The following SF3B1 variants were observed in gnomAD, a reference collection of about 807,000 sequenced individuals.
SF3B1 encodes the protein splicing factor 3b subunit 1, also known as pre-mRNA processing 10.
Under a neutral mutation model 153.8 loss-of-function variants are expected in SF3B1, and 12 were observed. That is an observed-to-expected ratio of 0.08 (90% CI 0.05 to 0.13). The LOEUF (loss-of-function observed/expected upper bound fraction) is 0.13. SF3B1 is among the 10% of genes least tolerant of loss of function. SF3B1 has a pLI of 1.00. For synonymous variants in SF3B1, 498 were observed against 525.2 expected (o/e 0.95, Z 0.71); for missense variants, 513 against 1,606.1 (o/e 0.32, Z 11.63).
At chr2:197,420,211 A>AT (rs974444054) in intron 4 of SF3B1, 3 of 452,428 alleles carry the variant, frequency 6.6e-6, no homozygotes, top group African/African-American at 6.0e-5. Flanking sequence ...GCATTGGCTC[A>AT]TTTTTTTCTT....
intron 23 of SF3B1, among the ~76,000 whole-genome samples, chr2:197,393,772 A>C (rs2084842219): frequency 6.6e-6 from 1 of 152,192 alleles, no homozygotes; most frequent in African/African-American, 2.4e-5. Flanking sequence ...TTTTAAAAGG[A>C]ATATGAGCAG....
chr2:197,419,018 T>C (rs2106008567), intron 4 of SF3B1: 1 of 1,270,200 alleles, frequency 7.9e-7, no homozygotes, highest in Non-Finnish European at 1.1e-6. Context: ...ACATTACCTG[T>C]TGCAAGCTGT....
intron 20 of SF3B1, 45 bp from the exon 21 acceptor site, chr2:197,398,626 T>C: frequency 6.3e-7 from 1 of 1,575,374 alleles, no homozygotes; most frequent in East Asian, 2.2e-5. Context: ...GAATTGCAAC[T>C]TTTGTTCACT....
chr2:197,422,938 T>C (rs1405183633), intron 2 of SF3B1, among the ~76,000 whole-genome samples: 1 of 151,922 alleles, frequency 6.6e-6, no homozygotes, highest in Non-Finnish European at 1.5e-5. Context: ...TATCTGTAAC[T>C]GAATCACCAA....
At chr2:197,426,034 T>A (rs1022854853) in intron 1 of SF3B1, among the ~76,000 whole-genome samples, 2 of 151,452 alleles carry the variant, frequency 1.3e-5, no homozygotes, top group Non-Finnish European at 2.9e-5. Flanking sequence ...AATGATAGAA[T>A]AGTTTTAATG....
Position 197,402,161 on chromosome 2 carries a change from C to T in SF3B1, c.2078-31G>A, listed in dbSNP as rs1452222490. ...AAACCAAACACAGGTTTTAACTATG[C>T]CCCAACATTACCTAAGTTACACAAT... On this transcript the variant is annotated intron_variant, in intron 14 of 24. Coordinates refer to ENST00000335508, the MANE Select transcript of SF3B1 (RefSeq NM_012433.4). This position sits in a 1 kb window ranked among gnomAD's most constrained non-coding sequence, Gnocchi z 4.6. 1.9e-6 allele frequency: 3 copies of T among 1,573,114 alleles called. No homozygotes were observed. Among genetic ancestry groups the T allele is most frequent in the East Asian group, 4.5e-5 (2 of 44,178 alleles).
intron 1 of SF3B1, among the ~76,000 whole-genome samples, chr2:197,433,748 C>T (rs2085478968): frequency 6.6e-6 from 1 of 152,218 alleles, no homozygotes; most frequent in Non-Finnish European, 1.5e-5. Flanking sequence ...TTCTTCTCTA[C>T]TTGCACCCTC....
At position 197,418,572 on chromosome 2, in the gene SF3B1, A is replaced by G; in HGVS notation, c.432T>C (p.Asp144=). 6.2e-7 allele frequency: 1 copy of G among 1,612,228 alleles called. No homozygotes were observed. The highest frequency in any genetic ancestry group is 1.1e-5 in the South Asian group (1 of 90,714). The change falls in exon 5 of 25, where the codon GAT becomes GAC. Residue 144 remains aspartate, a synonymous_variant. Coordinates refer to ENST00000335508, the MANE Select transcript of SF3B1 (RefSeq NM_012433.4). ...TGTAAGTCCTAGCATTCATTTTAGG[A>G]TCAGGGGTTTTCCCTCCTGCAGAAA... ...DPFADGGKTP[D]PKMNARTYMD...
At position 197,409,860 on chromosome 2, in the gene SF3B1, C is replaced by A. The variant is rs2085042903; in HGVS notation, c.814G>T (p.Asp272Tyr). The A allele has an allele frequency of 6.2e-7, 1 of 1,614,128 alleles. No homozygotes were observed. Among genetic ancestry groups the A allele is most frequent in the Non-Finnish European group, 8.5e-7 (1 of 1,180,018 alleles). ...CCTGGTGTCGCATGGCCTGGTGTAT[C>A]ACCTCGTCCAGGAGTAGCAGCTCCC... ...PAGAATPGRG[D>Y]TPGHATPGHG... is the part of the protein sequence containing the mutation. Residue 272 changes from aspartate to tyrosine, a missense_variant, in exon 7 of 25, where the codon GAT (aspartate) becomes TAT (tyrosine). Transcript: ENST00000335508.
Position 197,423,821 on chromosome 2 carries a change from G to A in SF3B1, c.182C>T (p.Thr61Ile). ...FAGYVTSIAA[T>I]ELEDDDDDYS... ...TTTGTAACTTACATCTTCAAGTTCA[G>A]TTGCAGCAATTGATGTCACGTATCC... The change falls in exon 2 of 25, where the codon ACT becomes ATT. Residue 61 changes from threonine to isoleucine, a missense_variant. Around this residue, in one of 21 missense-constraint regions of SF3B1, gnomAD observed 14 missense variants for 54.8 expected, o/e 0.26. Transcript: ENST00000335508. 1 of 1,613,392 alleles carries A rather than the reference G, an allele frequency of 6.2e-7. No individual in the cohort carries two copies. Among genetic ancestry groups the A allele is most frequent in the Non-Finnish European group, 8.5e-7 (1 of 1,179,826 alleles).
chr2:197,412,317 T>TA (rs1360062050), intron 6 of SF3B1, among the ~76,000 whole-genome samples: 2 of 150,970 alleles, frequency 1.3e-5, no homozygotes, highest in South Asian at 2.1e-4. Flanking sequence ...ACAGAATTTT[T>TA]AAAAAAGTCT....
chr2:197,418,747 T>C (rs1375521312), intron 4 of SF3B1, 159 bp from the exon 5 acceptor site: 7 of 1,455,120 alleles, frequency 4.8e-6, no homozygotes, highest in Non-Finnish European at 6.3e-6. Context: ...TACTTTTTAT[T>C]GAGTTTGCTG....
At chr2:197,424,058 C>T in intron 1 of SF3B1, 84 bp from the exon 2 acceptor site, 2 of 1,115,676 alleles carry the variant, frequency 1.8e-6, no homozygotes, top group Non-Finnish European at 2.6e-6. Context: ...AGGTAATTAT[C>T]AAAATACTCT....
intron 4 of SF3B1, 119 bp downstream of exon 4, chr2:197,420,309 A>G: frequency 1.4e-6 from 1 of 704,332 alleles, no homozygotes; most frequent in South Asian, 1.7e-5. Flanking sequence ...AATCTATAGT[A>G]AGGGGGATTT....
rs565158732 is a variant in SF3B1 at position 197,401,603 on chromosome 2, T to A, written c.2371-78A>T. On this transcript the variant is annotated intron_variant, in intron 16 of 24. Coordinates refer to ENST00000335508, the MANE Select transcript of SF3B1 (RefSeq NM_012433.4). The surrounding 1 kb of genome is among the most constrained non-coding windows in gnomAD (Gnocchi z 4.2). ...ATACTCATTGCTGATTACGTGATTTTAAAAAATAAAATTTAAAAACAAATC... is the reference window on the plus strand; with the variant it reads ...ATACTCATTGCTGATTACGTGATTTAAAAAAATAAAATTTAAAAACAAATC... The A allele has an allele frequency of 4.0e-6, 6 of 1,508,366 alleles. No homozygotes were observed. In the South Asian group the frequency reaches 4.8e-5, roughly 12 times the overall value. 93.4% of individuals were successfully genotyped at this position (1,508,366 alleles called of 1,614,324 possible). A position where few individuals can be genotyped will look rare whatever the true frequency, so the allele number is the denominator to read the frequency against.
At chr2:197,399,999 A>G in intron 20 of SF3B1, 56 bp downstream of exon 20, 2 of 1,242,794 alleles carry the variant, frequency 1.6e-6, no homozygotes, top group Non-Finnish European at 2.3e-6. Flanking sequence ...ACGAAAAAAA[A>G]AAGAAAAAGA....
At chr2:197,399,790 T>G (rs1232797258) in intron 20 of SF3B1, among the ~76,000 whole-genome samples, 1 of 152,172 alleles carries the variant, frequency 6.6e-6, no homozygotes, top group Non-Finnish European at 1.5e-5. Context: ...CTGTATTCCA[T>G]GACTTCAAAG....
At chr2:197,398,249 G>T in intron 21 of SF3B1, 133 bp from the exon 22 acceptor site, 1 of 863,932 alleles carries the variant, frequency 1.2e-6, no homozygotes. Flanking sequence ...CTTCAGAAAG[G>T]CTGAAGAGTT....
Position 197,393,152 on chromosome 2 carries a change from T to A in SF3B1, c.3576A>T (p.Val1192=), listed in dbSNP as rs1409265402. ...LVHRQTASAV[V]QHMSLGVYGF... is the part of the protein sequence containing the mutation. ...CATAAACCCCAAGTGACATGTGCTGTACCACTGCACTAGCCGTCTGTCTGT... is the reference window on the plus strand; with the variant it reads ...CATAAACCCCAAGTGACATGTGCTGAACCACTGCACTAGCCGTCTGTCTGT... The change falls in exon 24 of 25, where the codon GTA becomes GTT. Residue 1192 remains valine, a synonymous_variant. Coordinates refer to ENST00000335508, the MANE Select transcript of SF3B1 (RefSeq NM_012433.4). 1 of 1,614,048 alleles carries A rather than the reference T, an allele frequency of 6.2e-7. No individual in the cohort carries two copies. The highest frequency in any genetic ancestry group is 8.5e-7 in the Non-Finnish European group (1 of 1,179,936).
Sources: allele counts gnomAD v4.1 joint callset (sites outside exome capture counted in the v4.1 genomes callset), GRCh38; gene constraint gnomAD v4.1.1; regional missense constraint gnomAD v4.1.1; non-coding constraint Gnocchi (gnomAD v3.1); transcripts MANE v1.5; gene names NCBI Gene and HGNC (gene_info 2026-07-23, HGNC 2026-07-21).